CDH13: variants seen among roughly 807,000 people sequenced by gnomAD.
CDH13 encodes cadherin-13.
In CDH13, 24 loss-of-function variants were observed where a neutral mutation model predicts 63.8. That is an observed-to-expected ratio of 0.38 (90% confidence interval 0.27 to 0.53). The LOEUF is 0.53. CDH13 is among the 20% of genes least tolerant of loss of function. The pLI, the probability that CDH13 is intolerant of heterozygous loss-of-function variation, is 0.85. For synonymous variants in CDH13, 503 were observed against 355.3 expected (o/e 1.42, Z -4.67); for missense variants, 1,049 against 903.1 (o/e 1.16, Z -2.07).
At chr16:83,349,992 T>A (rs1483357776) in intron 6 of CDH13, among the ~76,000 whole-genome samples, 1 of 152,012 alleles carries the variant, frequency 6.6e-6, no homozygotes, top group East Asian at 1.9e-4. Context: ...AACACATACG[T>A]TAGAGTTATC....
At chr16:82,809,059 T>A (rs1017403002) in intron 1 of CDH13, among the ~76,000 whole-genome samples, 4 of 152,098 alleles carry the variant, frequency 2.6e-5, no homozygotes, top group Non-Finnish European at 5.9e-5. Context: ...TATGAATACA[T>A]ATGTGTTTGT....
chr16:83,512,427 T>C (rs909857687), intron 7 of CDH13, among the ~76,000 whole-genome samples: 2 of 150,520 alleles, frequency 1.3e-5, no homozygotes, highest in Admixed American at 6.6e-5. Flanking sequence ...TCCCAGCACT[T>C]TGGGAGGCCG....
chr16:83,794,842 C>A (rs969938968), intron 13 of CDH13, among the ~76,000 whole-genome samples, 181 bp from the exon 14 acceptor site: 3 of 152,064 alleles, frequency 2.0e-5, no homozygotes. Context: ...AGCTTTTTAC[C>A]ATATAACCAT....
At chr16:82,772,771 T>C (rs1372170611) in intron 1 of CDH13, among the ~76,000 whole-genome samples, 1 of 152,168 alleles carries the variant, frequency 6.6e-6, no homozygotes, top group Non-Finnish European at 1.5e-5. Flanking sequence ...TAAAGTAATA[T>C]GTCTAACATC....
At chr16:83,332,215 C>A (rs1277309178) in intron 5 of CDH13, among the ~76,000 whole-genome samples, 1 of 151,802 alleles carries the variant, frequency 6.6e-6, no homozygotes, top group African/African-American at 2.4e-5. Context: ...TGTTGTAAAA[C>A]CTGCATTTCA....
At chr16:83,506,761 G>T (rs2074405861) in intron 7 of CDH13, among the ~76,000 whole-genome samples, 1 of 152,248 alleles carries the variant, frequency 6.6e-6, no homozygotes, top group African/African-American at 2.4e-5. Flanking sequence ...ATGCCGTGTT[G>T]TAGGGAAGCT....
chr16:83,662,929 A>T (rs755583347), intron 8 of CDH13, among the ~76,000 whole-genome samples: 5 of 152,160 alleles, frequency 3.3e-5, no homozygotes, highest in Non-Finnish European at 5.9e-5. Context: ...GACTGAGAGC[A>T]CTTCCTATTT....
At position 83,344,858 on chromosome 16, in the gene CDH13, A is replaced by C; in HGVS notation, c.637-4A>C. ...TTTCTCCCCCAATCTCTTTGCTCAA[A>C]TAGCTATTTGTGGAGACCACTGATG... On this transcript the variant is annotated splice_polypyrimidine_tract_variant and splice_region_variant and intron_variant, in intron 5 of 13. Coordinates refer to ENST00000567109, the MANE Select transcript of CDH13 (RefSeq NM_001257.5). 1 of 1,613,686 alleles carries C rather than the reference A, an allele frequency of 6.2e-7. No individual in the cohort carries two copies. Among genetic ancestry groups the C allele is most frequent in the Non-Finnish European group, 8.5e-7 (1 of 1,179,648 alleles).
chr16:82,848,885 G>T (rs924451575), intron 1 of CDH13, among the ~76,000 whole-genome samples: 7 of 152,314 alleles, frequency 4.6e-5, no homozygotes, highest in Admixed American at 2.0e-4. Context: ...TAGGCTGAAA[G>T]CTAGGTTTCT....
chr16:82,701,096 A>G (rs1204832344), intron 1 of CDH13, among the ~76,000 whole-genome samples: 1 of 151,870 alleles, frequency 6.6e-6, no homozygotes, highest in African/African-American at 2.4e-5. Context: ...ATTGCAGCTA[A>G]TGACATTACC....
chr16:83,633,361 G>A (rs894431376), intron 8 of CDH13, among the ~76,000 whole-genome samples: 13 of 152,220 alleles, frequency 8.5e-5, no homozygotes, highest in African/African-American at 3.1e-4. Context: ...GTCACATTGC[G>A]TGCAGTGGTT....
intron 1 of CDH13, among the ~76,000 whole-genome samples, chr16:82,773,870 G>A (rs575794614): frequency 1.3e-5 from 2 of 150,980 alleles, no homozygotes; most frequent in East Asian, 3.9e-4. Flanking sequence ...TGCAACCTCC[G>A]CCTCCCGGGT....
At chr16:83,126,344 A>G (rs1242578990) in intron 4 of CDH13, among the ~76,000 whole-genome samples, 4 of 152,174 alleles carry the variant, frequency 2.6e-5, no homozygotes, top group Admixed American at 1.3e-4. Context: ...GGATTGCACA[A>G]TCTAAGCTGA....
chr16:83,117,728 C>A (rs533343724), intron 3 of CDH13, among the ~76,000 whole-genome samples: 1 of 152,194 alleles, frequency 6.6e-6, no homozygotes, highest in African/African-American at 2.4e-5. Flanking sequence ...TTCTCACGTT[C>A]TTTTTCTCTT....
chr16:83,748,205 G>C lies in CDH13; in HGVS notation c.1636G>C (p.Val546Leu). 1 of 1,613,896 alleles carries C rather than the reference G, an allele frequency of 6.2e-7. No individual in the cohort carries two copies. The highest frequency in any genetic ancestry group is 8.5e-7 in the Non-Finnish European group (1 of 1,179,810). ...TGTGCTGGACCGTGAGTCCCCATTT[G>C]TCGACAACAGCGTGTACACTGCTCT... ...TAVLDRESPF[V>L]DNSVYTALFL... The change falls in exon 11 of 14, where the codon GTC (valine) becomes CTC (leucine). Residue 546 changes from valine (V) to leucine (L), a missense_variant. Val to Leu is a conservative substitution (Grantham distance 32). Transcript: ENST00000567109.
intron 1 of CDH13, among the ~76,000 whole-genome samples, chr16:82,777,743 T>A (rs2035563872): frequency 6.6e-6 from 1 of 152,212 alleles, no homozygotes; most frequent in African/African-American, 2.4e-5. Flanking sequence ...AAGACTTGAC[T>A]GGGCATGGGT....
At position 83,281,110 on chromosome 16, in the gene CDH13, C is replaced by T. The variant is rs113899399; in HGVS notation, c.636+63613C>T. ...AATCTCTAGCTATGAAAGTCCTACA[C>T]GGCATCTTCTTTCAATTGAAGGCTG... On this transcript the variant is annotated intron_variant, in intron 5 of 13. Transcript: ENST00000567109. Among the ~76,000 whole-genome samples, 63 of 152,330 alleles carry T rather than the reference C, an allele frequency of 4.1e-4. 1 individual carries two copies. The highest frequency in any genetic ancestry group is 1.3e-3 in the African/African-American group (54 of 41,582).
chr16:82,806,128 C>G (rs8046810), intron 1 of CDH13, among the ~76,000 whole-genome samples: 8,518 of 152,210 alleles, frequency 0.056, 711 homozygotes, highest in African/African-American at 0.19. Flanking sequence ...CCAGCCTTCT[C>G]TCCACTGTTT....
intron 3 of CDH13, among the ~76,000 whole-genome samples, chr16:83,112,255 C>T (rs985246479): frequency 6.6e-6 from 1 of 152,166 alleles, no homozygotes; most frequent in African/African-American, 2.4e-5. Context: ...CTCTAGCAAA[C>T]CAGCAGTTAA....
Sources: allele counts gnomAD v4.1 joint callset (sites outside exome capture counted in the v4.1 genomes callset), GRCh38; gene constraint gnomAD v4.1.1; transcripts MANE v1.5; gene names NCBI Gene and HGNC (gene_info 2026-07-23, HGNC 2026-07-21).